The following NAV1 variants were observed in gnomAD, a reference collection of about 807,000 sequenced individuals.
The protein encoded by NAV1 is pore membrane and/or filament interacting like protein 3.
A neutral mutation model predicts 175.2 loss-of-function variants in NAV1; 18 were observed. That is an observed-to-expected ratio of 0.10 (90% CI 0.07 to 0.15). The LOEUF is 0.15. Among genes scored for constraint, NAV1 ranks in the 10% least tolerant of loss-of-function variants. The pLI, the probability that NAV1 is intolerant of heterozygous loss-of-function variation, is 1.00. For synonymous variants in NAV1, 897 were observed against 978.7 expected (o/e 0.92, Z 1.56); for missense variants, 1,731 against 2,436.6 (o/e 0.71, Z 6.10).
Position 201,782,933 on chromosome 1 carries a change from C to T in NAV1, c.2357+64C>T. The stretch of plus-strand genomic sequence containing the variant: ...TTGTCATTCTTTCGCATATCTCTGC[C>T]CTCCTTGGACTAGATGAGGCATGGC... On this transcript the variant is annotated intron_variant, in intron 6 of 29. Transcript: ENST00000367296. This position sits in a 1 kb window ranked among gnomAD's most constrained non-coding sequence, Gnocchi z 5.4. The T allele has an allele frequency of 7.2e-7, 1 of 1,396,230 alleles. No individual in the cohort carries two copies. The allele number at this position is 1,396,230 out of a possible 1,614,324, so 86.5% of individuals were successfully genotyped here. A position where few individuals can be genotyped will look rare whatever the true frequency, so the allele number is the denominator to read the frequency against.
exon 5 of NAV1, chr1:201,781,183 A>G (rs1305734653): frequency 4.3e-6 from 7 of 1,614,128 alleles, no homozygotes; most frequent in Non-Finnish European, 5.9e-6. Flanking sequence ...TGATTCATCC[A>G]AGGGTGGAGA....
intron 20 of NAV1, 54 bp from the exon 25 acceptor site, chr1:201,809,110 T>C: frequency 6.4e-7 from 1 of 1,553,194 alleles, no homozygotes; most frequent in Non-Finnish European, 8.9e-7. Context: ...TGGGAAAGTT[T>C]AGGAAAGGCT....
chr1:201,776,946 CA>C (rs200205765), intron 3 of NAV1, among the ~76,000 whole-genome samples: 17 of 146,710 alleles, frequency 1.2e-4, no homozygotes, highest in African/African-American at 3.3e-4. Context: ...AGAGGGGAGA[CA>C]AAAAAAAACA....
chr1:201,709,025 T>C (rs926665652), intron 1 of NAV1, among the ~76,000 whole-genome samples: 3 of 151,926 alleles, frequency 2.0e-5, no homozygotes, highest in African/African-American at 7.3e-5. Flanking sequence ...GGGGCATGCC[T>C]GTAGTCCCAG....
At chr1:201,775,751 C>T (rs906694394) in intron 3 of NAV1, among the ~76,000 whole-genome samples, 2 of 152,092 alleles carry the variant, frequency 1.3e-5, no homozygotes, top group Non-Finnish European at 2.9e-5. Flanking sequence ...TTAAAGAAGC[C>T]TTGGAAATTT....
intron 1 of NAV1, among the ~76,000 whole-genome samples, chr1:201,707,225 G>C (rs1671706493): frequency 6.6e-6 from 1 of 152,136 alleles, no homozygotes; most frequent in Non-Finnish European, 1.5e-5. Flanking sequence ...CACCCTCCAG[G>C]GGTGTGCACC....
At chr1:201,698,502 A>T (rs983371658) in intron 1 of NAV1, among the ~76,000 whole-genome samples, 10 of 152,214 alleles carry the variant, frequency 6.6e-5, no homozygotes, top group African/African-American at 2.2e-4. Context: ...ATGTTCACTC[A>T]TTTGATGTGT....
intron 1 of NAV1, among the ~76,000 whole-genome samples, chr1:201,574,951 C>T (rs899243148): frequency 2.4e-4 from 36 of 152,182 alleles, no homozygotes; most frequent in African/African-American, 8.7e-4. Flanking sequence ...GCCAGAGGCC[C>T]CACACTCTCT....
chr1:201,573,465 C>T (rs924074546), intron 1 of NAV1, among the ~76,000 whole-genome samples: 3 of 152,216 alleles, frequency 2.0e-5, no homozygotes, highest in East Asian at 3.9e-4. Context: ...CTCAGGGAGC[C>T]CCTGCCCTGC....
In NAV1 at chr1:201,694,023, AGT is replaced by A. The variant is rs1386671487; in HGVS notation, c.758-18789_758-18788del. On this transcript the variant is annotated intron_variant, in intron 1 of 29. Coordinates refer to ENST00000367296, the Ensembl canonical transcript of NAV1. This position sits in a 1 kb window ranked among gnomAD's most constrained non-coding sequence, Gnocchi z 4.2. ...CTCCTGTACAAAATTCTGTCTCCAC[AGT>A]GTGTCCCCCAGTTTGGCTTCCTGGT... Among the ~76,000 whole-genome samples, 1 of 152,196 alleles carries A rather than the reference AGT, an allele frequency of 6.6e-6. No individual in the cohort carries two copies. The highest frequency in any genetic ancestry group is 1.5e-5 in the Non-Finnish European group (1 of 68,032).
chr1:201,793,651 A>AT lies in NAV1; in HGVS notation c.3322-134dup, dbSNP rs925713457. 421 of 689,706 alleles carry AT rather than the reference A, an allele frequency of 6.1e-4. 1 individual carries two copies. Among genetic ancestry groups the AT allele is most frequent in the Middle Eastern group, 1.5e-3 (6 of 4,046 alleles). The allele number at this position is 689,706 out of a possible 1,614,324, so 42.7% of individuals were successfully genotyped here. A position where few individuals can be genotyped will look rare whatever the true frequency, so the allele number is the denominator to read the frequency against. On this transcript the variant is annotated intron_variant, in intron 13 of 29. Transcript: ENST00000367296. Reference sequence around the variant, plus strand: ...CCTTTGTCTGCTCAGGAAAATCAATATTTTTTTAACCACCAAGAGGTTTGC... The same window carrying AT: ...CCTTTGTCTGCTCAGGAAAATCAATATTTTTTTTAACCACCAAGAGGTTTGC...
chr1:201,701,115 T>A (rs239964), intron 1 of NAV1, among the ~76,000 whole-genome samples: 149,569 of 151,416 alleles, frequency 0.99, 73,903 homozygotes, highest in Middle Eastern at 1. Context: ...CTTTGCAGGG[T>A]CATGGATGAA....
intron 3 of NAV1, among the ~76,000 whole-genome samples, chr1:201,777,720 G>T (rs1046375324): frequency 3.3e-5 from 5 of 152,164 alleles, no homozygotes; most frequent in African/African-American, 1.2e-4. Context: ...GGAGGCCAAG[G>T]TGGGTGGATC....
chr1:201,543,797 A>G (rs747467649), intron 1 of NAV1, among the ~76,000 whole-genome samples: 1 of 151,822 alleles, frequency 6.6e-6, no homozygotes, highest in South Asian at 2.1e-4. Flanking sequence ...CCAAACTTAA[A>G]CTCTGTACTC....
In NAV1 at chr1:201,789,727, CCTT is replaced by C. The variant is rs1222408926; in HGVS notation, c.3167-10_3167-8del. The C allele has an allele frequency of 1.9e-6, 3 of 1,613,926 alleles. No individual in the cohort carries two copies. Among genetic ancestry groups the C allele is most frequent in the Non-Finnish European group, 2.5e-6 (3 of 1,179,840 alleles). On this transcript the variant is annotated splice_polypyrimidine_tract_variant and intron_variant, in intron 10 of 29. Transcript: ENST00000367296. ...ACCCACTGTTAACTCTTTGTGTTCT[CCTT>C]CTCTTTCAGTTCACGGCTCAGTGCT... is the stretch of plus-strand genomic sequence containing the variant.
In NAV1 at chr1:201,812,032, G is replaced by GCCAGAGTCCAGGATTGA; in HGVS notation, c.5024+58_5024+59insCCAGAGTCCAGGATTGA. 2 of 1,525,378 alleles carry GCCAGAGTCCAGGATTGA rather than the reference G, an allele frequency of 1.3e-6. No homozygotes were observed. The highest frequency in any genetic ancestry group is 1.8e-6 in the Non-Finnish European group (2 of 1,099,378). The allele number at this position is 1,525,378 out of a possible 1,614,324, so 94.5% of individuals were successfully genotyped here. ...CCCTACCCAAGAGTCTTCAATCCTG[G>GCCAGAGTCCAGGATTGA]ACTCTGGCCAGGAGGCAGTAGATAG... On this transcript the variant is annotated intron_variant, in intron 26 of 29. Coordinates refer to ENST00000367296, the Ensembl canonical transcript of NAV1. This position sits in a 1 kb window ranked among gnomAD's most constrained non-coding sequence, Gnocchi z 4.6.
At chr1:201,620,019 C>A (rs1189632037), upstream of NAV1, among the ~76,000 whole-genome samples, 3 of 152,226 alleles carry the variant, frequency 2.0e-5, no homozygotes, top group Non-Finnish European at 4.4e-5. Flanking sequence ...GAAATTATTT[C>A]ATTTATTGCA....
chr1:201,672,673 T>C (rs1018113504), intron 1 of NAV1, among the ~76,000 whole-genome samples: 5 of 152,234 alleles, frequency 3.3e-5, no homozygotes, highest in Admixed American at 2.0e-4. Flanking sequence ...TGTTTAACCA[T>C]TGGGCTCTGC....
At chr1:201,566,238 C>T (rs1215391291) in intron 1 of NAV1, among the ~76,000 whole-genome samples, 3 of 152,166 alleles carry the variant, frequency 2.0e-5, no homozygotes, top group Non-Finnish European at 4.4e-5. Context: ...GAACCACTCC[C>T]CAGACCCCCA....
Sources: gnomAD v4.1 joint callset for allele counts (sites outside exome capture counted in the v4.1 genomes callset) on GRCh38, gnomAD v4.1.1 for gene constraint, Gnocchi (gnomAD v3.1) non-coding constraint, MANE v1.5 for transcripts, NCBI Gene and HGNC (gene_info 2026-07-23, HGNC 2026-07-21) for gene names.